Variants in SLU7 observed in about 807,000 individuals in gnomAD.
The protein encoded by SLU7 is spliceosome associated SLU7.
Under a neutral mutation model 87.0 loss-of-function variants are expected in SLU7, and 60 were observed. The observed-to-expected ratio is 0.69, with a 90% CI of 0.56 to 0.86. SLU7 has a LOEUF of 0.86. Ranked by LOEUF, SLU7 falls within the 40% of genes least tolerant of loss-of-function variation. The probability of loss-of-function intolerance (pLI) is 0.00; values close to 1 mark genes in which losing one functional copy is unlikely to be tolerated. For missense variants in SLU7, 507 were observed against 686.6 expected (o/e 0.74, Z 2.92); for synonymous variants, 197 against 222.0 (o/e 0.89, Z 1.00).
At chr5:160,413,415 G>A (rs531787976) in intron 5 of SLU7, 41 bp downstream of exon 5, 35 of 1,585,540 alleles carry the variant, frequency 2.2e-5, no homozygotes, top group Middle Eastern at 3.4e-4. Context: ...GCAAAAGGAC[G>A]ATTCTTTAAA....
chr5:160,406,065 C>T (rs1439172240), intron 12 of SLU7, among the ~76,000 whole-genome samples: 2 of 152,060 alleles, frequency 1.3e-5, no homozygotes, highest in Non-Finnish European at 2.9e-5. Flanking sequence ...GAAGAAAATC[C>T]TCATTTTAAG....
intron 4 of SLU7, 88 bp from the exon 5 acceptor site, chr5:160,413,708 C>T (rs987767050): frequency 1.6e-5 from 20 of 1,213,278 alleles, no homozygotes; most frequent in Middle Eastern, 2.1e-4. Flanking sequence ...GGGCACTTTA[C>T]GATCTATTCA....
Position 160,408,657 on chromosome 5 carries a change from G to T in SLU7, c.680C>A (p.Ser227Tyr). The change falls in exon 7 of 16, where the codon TCT becomes TAT. Residue 227 changes from serine (S) to tyrosine (Y), a missense_variant. Ser to Tyr is a moderately radical substitution (Grantham distance 144, BLOSUM62 -2). Coordinates refer to ENST00000297151, the MANE Select transcript of SLU7 (RefSeq NM_006425.5). ...ACAGCAAATATGTATTACCATCTGA[G>T]AATTTGGTTCCTCTTCTCCCCACTG... Reference protein sequence around the residue: ...KHQWGEEEPNSQMEKDHNSED... With the variant: ...KHQWGEEEPNYQMEKDHNSED... 6.4e-7 allele frequency: 1 copy of T among 1,569,790 alleles called. No individual in the cohort carries two copies. The highest frequency in any genetic ancestry group is 8.7e-7 in the Non-Finnish European group (1 of 1,148,588).
chr5:160,404,041 G>A (rs1027234910), intron 15 of SLU7, among the ~76,000 whole-genome samples: 1 of 152,184 alleles, frequency 6.6e-6, no homozygotes, highest in Non-Finnish European at 1.5e-5. Context: ...GACAGGACTA[G>A]ATCACAGGCC....
In SLU7 at chr5:160,403,034, T is replaced by TAA; in HGVS notation, c.*249_*250dup. ...CGTCTCAAAAAAAAAAATAAATAAA[T>TAA]AAAAAAAACTGGAAATAAAATCTTA... is the stretch of plus-strand genomic sequence containing the variant. On this transcript the variant is annotated 3_prime_UTR_variant, in exon 16 of 16. Transcript: ENST00000297151. 3.7e-6 allele frequency: 1 copy of TAA among 270,362 alleles called. No individual in the cohort carries two copies. Among genetic ancestry groups the TAA allele is most frequent in the Non-Finnish European group, 6.8e-6 (1 of 147,102 alleles). 16.7% of individuals were successfully genotyped at this position (270,362 alleles called of 1,614,324 possible).
Position 160,402,185 on chromosome 5 carries a change from TC to T in SLU7, c.*1099del, listed in dbSNP as rs769550467. The T allele has an allele frequency of 2.6e-4, 40 of 152,210 alleles. No individual in the cohort carries two copies. Among genetic ancestry groups the T allele is most frequent in the Non-Finnish European group, 4.9e-4 (33 of 68,034 alleles). 9.4% of individuals were successfully genotyped at this position (152,210 alleles called of 1,614,324 possible). A position where few individuals can be genotyped will look rare whatever the true frequency, so the allele number is the denominator to read the frequency against. ...CTGCTGGCTATAAATATTAGGATAT[TC>T]TACAATTTAAAAAATCTAATATTCA... On this transcript the variant is annotated 3_prime_UTR_variant, in exon 16 of 16. Coordinates refer to ENST00000297151, the MANE Select transcript of SLU7 (RefSeq NM_006425.5).
At chr5:160,405,701 TATATC>T (rs1432342047) in intron 12 of SLU7, among the ~76,000 whole-genome samples, 1 of 152,230 alleles carries the variant, frequency 6.6e-6, no homozygotes, top group Non-Finnish European at 1.5e-5. Context: ...ATATTTAACT[TATATC>T]CAATCAAGCC....
chr5:160,415,071 A>G lies in SLU7; in HGVS notation c.170+54T>C, dbSNP rs1765394388. 2.8e-6 allele frequency: 4 copies of G among 1,405,584 alleles called. No homozygotes were observed. In the South Asian group the frequency reaches 5.6e-5, roughly 20 times the overall value. The allele number at this position is 1,405,584 out of a possible 1,614,324, so 87.1% of individuals were successfully genotyped here. On this transcript the variant is annotated intron_variant, in intron 2 of 15. Transcript: ENST00000297151. ...AGGATGAAAAATTAATAAACTAAGT[A>G]GACATGAATTTGAATTCTGAATGAA...
chr5:160,415,030 G>T (rs995781117), intron 2 of SLU7, 95 bp downstream of exon 2: 29 of 1,056,472 alleles, frequency 2.7e-5, no homozygotes, highest in Non-Finnish European at 3.9e-5. Context: ...CATAAATGAA[G>T]AGAGGTTCCT....
intron 11 of SLU7, 133 bp from the exon 12 acceptor site, chr5:160,406,762 G>GAA: frequency 1.4e-6 from 1 of 713,676 alleles, no homozygotes. Flanking sequence ...AGCACAGTAG[G>GAA]AAAAAAAAAG....
intron 6 of SLU7, among the ~76,000 whole-genome samples, 189 bp from the exon 7 acceptor site, chr5:160,408,886 CTT>C (rs1281800335): frequency 1.2e-4 from 18 of 144,876 alleles, no homozygotes; most frequent in Middle Eastern, 3.4e-3. Flanking sequence ...TAATATGTAA[CTT>C]ATAAATAAGT....
chr5:160,403,582 T>C, intron 15 of SLU7, 118 bp from the exon 16 acceptor site: 1 of 791,470 alleles, frequency 1.3e-6, no homozygotes, highest in South Asian at 2.5e-5. Context: ...AAACGCAGAT[T>C]GCCTGAAAGA....
Position 160,415,315 on chromosome 5 carries a change from G to A in SLU7, c.-16-5C>T. 6.5e-7 allele frequency: 1 copy of A among 1,526,874 alleles called. No homozygotes were observed. 94.6% of individuals were successfully genotyped at this position (1,526,874 alleles called of 1,614,324 possible). A position where few individuals can be genotyped will look rare whatever the true frequency, so the allele number is the denominator to read the frequency against. On this transcript the variant is annotated splice_polypyrimidine_tract_variant and splice_region_variant and intron_variant, in intron 1 of 15. Transcript: ENST00000297151. ...GACATGGTTATCTGGCCTCCTCTAGGAAAAGAAGTGAAACTTACAGTAAAA... is the reference window on the plus strand; with the variant it reads ...GACATGGTTATCTGGCCTCCTCTAGAAAAAGAAGTGAAACTTACAGTAAAA...
chr5:160,415,207 T>C lies in SLU7; in HGVS notation c.88A>G (p.Arg30Gly). The change falls in exon 2 of 16, where the codon AGA (arginine) becomes GGA (glycine). Residue 30 changes from arginine (R) to glycine (G), a missense_variant. This residue lies in a region of SLU7 where 33 missense variants were observed against 37.3 expected (regional missense o/e 0.88). Coordinates refer to ENST00000297151, the MANE Select transcript of SLU7 (RefSeq NM_006425.5). ...MSLEEPKKMT[R>G]EDWRKKKELE... ...TCCTTCTTCTTTCTCCAGTCCTCTCTGGTCATCTTCTTTGGTTCTTCCAAA... is the reference window on the plus strand; with the variant it reads ...TCCTTCTTCTTTCTCCAGTCCTCTCCGGTCATCTTCTTTGGTTCTTCCAAA... 6.2e-7 allele frequency: 1 copy of C among 1,612,548 alleles called. No homozygotes were observed. The highest frequency in any genetic ancestry group is 8.5e-7 in the Non-Finnish European group (1 of 1,179,438).
chr5:160,405,205 G>C, intron 12 of SLU7, 70 bp from the exon 13 acceptor site: 13 of 1,075,480 alleles, frequency 1.2e-5, no homozygotes, highest in Non-Finnish European at 1.6e-5. Flanking sequence ...CTGTTGATAA[G>C]AGTATAAAAT....
rs1273394545 is a variant in SLU7 at position 160,415,317 on chromosome 5, A to G, written c.-16-7T>C. The G allele has an allele frequency of 7.8e-6, 12 of 1,529,624 alleles. No individual in the cohort carries two copies. Among genetic ancestry groups the G allele is most frequent in the Non-Finnish European group, 1.0e-5 (12 of 1,142,910 alleles). The allele number at this position is 1,529,624 out of a possible 1,614,324, so 94.8% of individuals were successfully genotyped here. On this transcript the variant is annotated splice_polypyrimidine_tract_variant and splice_region_variant and intron_variant, in intron 1 of 15. Transcript: ENST00000297151. Reference sequence around the variant, plus strand: ...CATGGTTATCTGGCCTCCTCTAGGAAAAGAAGTGAAACTTACAGTAAAAAG... The same window carrying G: ...CATGGTTATCTGGCCTCCTCTAGGAGAAGAAGTGAAACTTACAGTAAAAAG...
At chr5:160,412,370 A>G in intron 6 of SLU7, 81 bp downstream of exon 6, 1 of 875,978 alleles carries the variant, frequency 1.1e-6, no homozygotes, top group Non-Finnish European at 1.9e-6. Context: ...CTGAAGAGCT[A>G]TAAAATGAAT....
rs761793488 is a variant in SLU7 at position 160,413,868 on chromosome 5, C to T, written c.405+31G>A. On this transcript the variant is annotated intron_variant, in intron 4 of 15. Transcript: ENST00000297151. ...AAAGAAAAAAGAAAGACTCTGACAA[C>T]GGTTTTCAAAATTTTCAAAGGTGAA... 44 of 1,456,392 alleles carry T rather than the reference C, an allele frequency of 3.0e-5. 2 individuals are homozygous for T. The highest frequency in any genetic ancestry group is 1.1e-4 in the East Asian group (5 of 43,654). The allele number at this position is 1,456,392 out of a possible 1,614,324, so 90.2% of individuals were successfully genotyped here.
In SLU7 at chr5:160,413,987, T is replaced by A. The variant is rs776249798; in HGVS notation, c.325-8A>T. 1 of 1,517,422 alleles carries A rather than the reference T, an allele frequency of 6.6e-7. No homozygotes were observed. The highest frequency in any genetic ancestry group is 8.9e-7 in the Non-Finnish European group (1 of 1,121,434). The allele number at this position is 1,517,422 out of a possible 1,614,324, so 94.0% of individuals were successfully genotyped here. On this transcript the variant is annotated splice_polypyrimidine_tract_variant and splice_region_variant and intron_variant, in intron 3 of 15. Transcript: ENST00000297151. ...CTTAGTAATTATGGAATTCTATAAA[T>A]ATATATAAAGAAAAACAAAAATGTC... is the stretch of plus-strand genomic sequence containing the variant.
Sources: gnomAD v4.1 joint callset for allele counts (sites outside exome capture counted in the v4.1 genomes callset) on GRCh38, gnomAD v4.1.1 for gene constraint, gnomAD v4.1.1 regional missense constraint, MANE v1.5 for transcripts, NCBI Gene and HGNC (gene_info 2026-07-23, HGNC 2026-07-21) for gene names.